The following SHISA9 variants were observed in gnomAD, a reference collection of about 807,000 sequenced individuals.
The protein encoded by SHISA9 is shisa family member 9.
Under a neutral mutation model 38.0 loss-of-function variants are expected in SHISA9, and 13 were observed. The ratio of observed to expected loss-of-function variants is 0.34; its 90% CI spans 0.22 to 0.54. The LOEUF (loss-of-function observed/expected upper bound fraction) is 0.54. Among genes scored for constraint, SHISA9 ranks in the 20% least tolerant of loss-of-function variants. The pLI is 0.91. For synonymous variants in SHISA9, 275 were observed against 242.0 expected, an observed-to-expected ratio of 1.14 and a Z score of -1.27; for missense variants, 538 against 575.8, an observed-to-expected ratio of 0.93 and a Z score of 0.67.
chr16:13,065,632 G>A (rs771590677), intron 2 of SHISA9, among the ~76,000 whole-genome samples: 2 of 152,226 alleles, frequency 1.3e-5, no homozygotes, highest in Non-Finnish European at 2.9e-5. Context: ...AGTTTCTGTT[G>A]CTAAGGAAGG....
At chr16:13,124,493 A>G (rs959928852) in intron 2 of SHISA9, among the ~76,000 whole-genome samples, 3 of 152,122 alleles carry the variant, frequency 2.0e-5, no homozygotes, top group African/African-American at 7.2e-5. Context: ...ATTACTTTCT[A>G]GGGAATGCTG....
chr16:13,041,129 C>T (rs1272259189), intron 2 of SHISA9, among the ~76,000 whole-genome samples: 3 of 152,182 alleles, frequency 2.0e-5, no homozygotes, highest in African/African-American at 7.2e-5. Flanking sequence ...CCTTCGCCTC[C>T]CAACATCTCA....
At chr16:13,344,479 T>C in the SHISA9 span, among the ~76,000 whole-genome samples, 1 of 135,920 alleles carries the variant, frequency 7.4e-6, no homozygotes, top group Non-Finnish European at 1.6e-5. Flanking sequence ...TTCTGAGGGT[T>C]CTCTAAAGCT....
At chr16:13,517,967 G>A in the SHISA9 span, among the ~76,000 whole-genome samples, 1 of 152,256 alleles carries the variant, frequency 6.6e-6, no homozygotes, top group African/African-American at 2.4e-5. Context: ...TGCTCTTCTG[G>A]TCTCCATGGC....
At chr16:13,456,271 C>T in the SHISA9 span, among the ~76,000 whole-genome samples, 1 of 152,172 alleles carries the variant, frequency 6.6e-6, no homozygotes, top group African/African-American at 2.4e-5. Flanking sequence ...CTGTGCACTT[C>T]AACCTGTTTC....
rs143612196 is a variant in SHISA9 at position 13,226,903 on chromosome 16, C to A, written c.896-8127C>A. Among the ~76,000 whole-genome samples, 10 of 152,288 alleles carry A rather than the reference C, an allele frequency of 6.6e-5. No homozygotes were observed. In the East Asian group the frequency reaches 1.9e-3, roughly 29 times the overall value. ...GTAGAAGTTGCTAGAATCTACTGGT[C>A]CAAGCTCACCATAATGCCAGGACAT... On this transcript the variant is annotated intron_variant, in intron 4 of 4. Coordinates refer to ENST00000558583, the MANE Select transcript of SHISA9 (RefSeq NM_001145204.3).
the SHISA9 span, among the ~76,000 whole-genome samples, chr16:13,436,059 C>G: frequency 6.6e-6 from 1 of 152,156 alleles, no homozygotes; most frequent in African/African-American, 2.4e-5. Flanking sequence ...TTGAACAGAA[C>G]AAGAGCTGCC....
intron 2 of SHISA9, among the ~76,000 whole-genome samples, chr16:12,992,475 T>A (rs1477176534): frequency 1.3e-5 from 2 of 151,704 alleles, no homozygotes; most frequent in Non-Finnish European, 2.9e-5. Flanking sequence ...GAGGTTGCAG[T>A]GAGCCGAGGT....
chr16:12,999,110 A>C (rs1463606857), intron 2 of SHISA9, among the ~76,000 whole-genome samples: 1 of 152,192 alleles, frequency 6.6e-6, no homozygotes, highest in Non-Finnish European at 1.5e-5. Context: ...ACTATAACTC[A>C]TGCCTGGAGA....
chr16:12,992,938 C>T (rs1048229039), intron 2 of SHISA9, among the ~76,000 whole-genome samples: 2 of 152,214 alleles, frequency 1.3e-5, no homozygotes, highest in African/African-American at 4.8e-5. Context: ...CATTTTATAA[C>T]TGGGAAAATT....
At chr16:12,942,005 TG>T (rs1461197548) in intron 2 of SHISA9, among the ~76,000 whole-genome samples, 1 of 152,202 alleles carries the variant, frequency 6.6e-6, no homozygotes, top group Non-Finnish European at 1.5e-5. Context: ...TGTTTGGCTT[TG>T]TAAGGATAGG....
At chr16:13,405,597 A>G in the SHISA9 span, among the ~76,000 whole-genome samples, 1 of 152,170 alleles carries the variant, frequency 6.6e-6, no homozygotes, top group African/African-American at 2.4e-5. Flanking sequence ...CATAGTAACC[A>G]AGAGTTAGTT....
chr16:13,350,681 C>T, the SHISA9 span: 4 of 152,124 alleles, frequency 2.6e-5, no homozygotes, highest in Non-Finnish European at 4.4e-5. Context: ...CCAGTTGTGC[C>T]TTTTTGCCTC....
Position 13,236,372 on chromosome 16 carries a change from A to G in SHISA9, c.*963A>G, listed in dbSNP as rs1288120867. On this transcript the variant is annotated 3_prime_UTR_variant, in exon 5 of 5. Transcript: ENST00000558583. The stretch of plus-strand genomic sequence containing the variant: ...AACAAATCCACAGTTGGAAAAGTCC[A>G]CAGGAGATCAGATGAGGATCCAGAA... The G allele has an allele frequency of 6.6e-6, 1 of 151,274 alleles. No individual in the cohort carries two copies. Among genetic ancestry groups the G allele is most frequent in the Admixed American group, 6.6e-5 (1 of 15,184 alleles). The allele number at this position is 151,274 out of a possible 1,614,324, so 9.4% of individuals were successfully genotyped here. A position where few individuals can be genotyped will look rare whatever the true frequency, so the allele number is the denominator to read the frequency against.
chr16:13,001,451 G>C (rs2072524820), intron 2 of SHISA9, among the ~76,000 whole-genome samples: 2 of 152,128 alleles, frequency 1.3e-5, no homozygotes, highest in Non-Finnish European at 2.9e-5. Context: ...CATTTACCTA[G>C]ACCTTTGGTT....
In SHISA9 at chr16:13,197,856, T is replaced by C. The variant is rs540082776; in HGVS notation, c.692-5538T>C. Among the ~76,000 whole-genome samples, 32 of 152,298 alleles carry C rather than the reference T, an allele frequency of 2.1e-4. No individual in the cohort carries two copies. In the South Asian group the frequency reaches 6.2e-3, roughly 30 times the overall value. The stretch of plus-strand genomic sequence containing the variant: ...AACTTCTGAGAGTGAGACATGTTAC[T>C]GGATTCCATCTATTGCTATGACTGT... On this transcript the variant is annotated intron_variant, in intron 2 of 4. Coordinates refer to ENST00000558583, the MANE Select transcript of SHISA9 (RefSeq NM_001145204.3).
chr16:13,063,148 A>G (rs936484090), intron 2 of SHISA9, among the ~76,000 whole-genome samples: 2 of 152,122 alleles, frequency 1.3e-5, no homozygotes, highest in Admixed American at 1.3e-4. Context: ...CTGGGACTAC[A>G]GGAGTGTGCC....
intron 2 of SHISA9, among the ~76,000 whole-genome samples, chr16:13,129,857 C>A (rs2050292271): frequency 6.6e-6 from 1 of 152,188 alleles, no homozygotes; most frequent in Non-Finnish European, 1.5e-5. Flanking sequence ...TATTGCTCTA[C>A]TTGTGTGCCT....
the SHISA9 span, among the ~76,000 whole-genome samples, chr16:13,359,678 A>T: frequency 2.0e-5 from 3 of 152,172 alleles, no homozygotes; most frequent in African/African-American, 7.2e-5. Context: ...AGAGGTATTT[A>T]TACATTTAAG....
Sources: gnomAD v4.1 joint callset for allele counts (sites outside exome capture counted in the v4.1 genomes callset) on GRCh38, gnomAD v4.1.1 for gene constraint, MANE v1.5 for transcripts, NCBI Gene and HGNC (gene_info 2026-07-23, HGNC 2026-07-21) for gene names.